Variants in COQ2 observed in about 807,000 individuals in gnomAD.
The protein encoded by COQ2 is 4-hydroxybenzoate polyprenyltransferase, mitochondrial.
COQ2 carries 25 observed loss-of-function variants against 35.7 expected under a neutral mutation model. That is an observed-to-expected ratio of 0.70 (90% CI 0.51 to 0.98). COQ2 has a LOEUF of 0.98. COQ2 is among the 50% of genes least tolerant of loss of function. The pLI is 0.00. For synonymous variants in COQ2, 206 were observed against 186.2 expected, an observed-to-expected ratio of 1.11 and a Z score of -0.86; for missense variants, 488 against 473.5, an observed-to-expected ratio of 1.03 and a Z score of -0.28.
chr4:83,275,241 A>G (rs1735139104), intron 2 of COQ2, among the ~76,000 whole-genome samples: 1 of 152,204 alleles, frequency 6.6e-6, no homozygotes, highest in South Asian at 2.1e-4. Flanking sequence ...AAATCTGGAC[A>G]TTTAAGTATT....
At position 83,267,219 on chromosome 4, in the gene COQ2, T is replaced by TA. The variant is rs766571537; in HGVS notation, c.951+366dup. 41 of 451,368 alleles carry TA rather than the reference T, an allele frequency of 9.1e-5. 2 individuals carry two copies. The highest frequency in any genetic ancestry group is 5.9e-4 in the South Asian group (38 of 63,920). The allele number at this position is 451,368 out of a possible 1,614,324, so 28.0% of individuals were successfully genotyped here. A position where few individuals can be genotyped will look rare whatever the true frequency, so the allele number is the denominator to read the frequency against. ...CTCAAGACCCCATTTCTACAAAAAA[T>TA]AAAAAAAATTAGCCAGGCATGGTGG... On this transcript the variant is annotated intron_variant, in intron 6 of 6. Coordinates refer to ENST00000647002, the MANE Select transcript of COQ2 (RefSeq NM_001358921.2).
intron 5 of COQ2, among the ~76,000 whole-genome samples, chr4:83,268,974 TTTTA>T (rs1332111541): frequency 2.0e-5 from 3 of 152,170 alleles, no homozygotes; most frequent in Non-Finnish European, 2.9e-5. Flanking sequence ...ATATGCATAA[TTTTA>T]TTTGTCAGTT....
chr4:83,273,639 C>T (rs539904082), intron 2 of COQ2, 22 bp from the exon 3 acceptor site: 12 of 1,608,396 alleles, frequency 7.5e-6, no homozygotes, highest in Middle Eastern at 1.7e-4. Flanking sequence ...AAAACAGATA[C>T]CTTAGCTTCA....
At chr4:83,270,416 T>C (rs549465544) in intron 4 of COQ2, among the ~76,000 whole-genome samples, 1 of 152,182 alleles carries the variant, frequency 6.6e-6, no homozygotes, top group Admixed American at 6.5e-5. Context: ...GAAACATGAA[T>C]ATACATACGA....
rs776055693 is a variant in COQ2, at chr4:83,284,759, C to T, written c.6G>A (p.Leu2=). The T allele has an allele frequency of 8.4e-6, 13 of 1,545,376 alleles. No homozygotes were observed. The South Asian group carries it at 1.4e-4, about 17-fold the overall frequency. M[L]GSRAAGFARG... Reference sequence around the variant, plus strand: ...GCGCGAACCCCGCGGCTCGCGAGCCCAGCATGGCGCTGGTGAGGCCGGGAC... The same window carrying T: ...GCGCGAACCCCGCGGCTCGCGAGCCTAGCATGGCGCTGGTGAGGCCGGGAC... The change falls in exon 1 of 7, where the codon CTG becomes CTA. Residue 2 remains leucine, a synonymous_variant. Transcript: ENST00000647002.
chr4:83,278,832 G>A, intron 2 of COQ2, 116 bp downstream of exon 2: 1 of 1,147,820 alleles, frequency 8.7e-7, no homozygotes, highest in Non-Finnish European at 1.2e-6. Context: ...TTCCATGCTG[G>A]ATTTCTGTGG....
intron 1 of COQ2, chr4:83,282,648 T>C: frequency 2.5e-6 from 1 of 398,084 alleles, no homozygotes; most frequent in African/African-American, 2.2e-5. Context: ...CAGCACATAT[T>C]ATGACAGGCA....
intron 2 of COQ2, among the ~76,000 whole-genome samples, chr4:83,276,028 T>TATAGAA (rs200148357): frequency 2.9e-4 from 6 of 20,662 alleles, no homozygotes; most frequent in Non-Finnish European, 5.3e-4. Context: ...ATATATATTT[T>TATAGAA]TATATAATAT....
intron 4 of COQ2, among the ~76,000 whole-genome samples, chr4:83,271,032 T>C (rs1449544562): frequency 6.6e-6 from 1 of 152,212 alleles, no homozygotes; most frequent in Non-Finnish European, 1.5e-5. Flanking sequence ...ATCAATTTCT[T>C]GAGTTGCTTT....
intron 6 of COQ2, among the ~76,000 whole-genome samples, 182 bp from the exon 7 acceptor site, chr4:83,264,545 G>A (rs1243584831): frequency 6.6e-6 from 1 of 152,146 alleles, no homozygotes; most frequent in East Asian, 1.9e-4. Flanking sequence ...GCTGAGGTGG[G>A]AGGATTGCTT....
At chr4:83,266,875 C>CA (rs1351762881) in intron 6 of COQ2, 1 of 247,108 alleles carries the variant, frequency 4.0e-6, no homozygotes, top group Non-Finnish European at 8.1e-6. Context: ...CAGCAGAAAC[C>CA]AAATTTATGA....
chr4:83,273,863 G>A (rs573307609), intron 2 of COQ2, among the ~76,000 whole-genome samples: 6 of 151,860 alleles, frequency 4.0e-5, no homozygotes, highest in African/African-American at 1.5e-4. Flanking sequence ...GAACTTCCTG[G>A]CTGGGTGCAG....
intron 1 of COQ2, among the ~76,000 whole-genome samples, chr4:83,279,327 G>A (rs1735258235): frequency 6.6e-6 from 1 of 151,478 alleles, no homozygotes; most frequent in African/African-American, 2.4e-5. Context: ...AATTAAAAAA[G>A]ACAAAACATA....
intron 3 of COQ2, among the ~76,000 whole-genome samples, chr4:83,272,505 A>T (rs1255238039): frequency 1.3e-5 from 2 of 152,198 alleles, no homozygotes; most frequent in East Asian, 3.8e-4. Context: ...ATAAAGTTTT[A>T]TTCTCTTCCT....
intron 2 of COQ2, among the ~76,000 whole-genome samples, chr4:83,274,984 C>T (rs1380606890): frequency 6.6e-6 from 1 of 152,150 alleles, no homozygotes; most frequent in Non-Finnish European, 1.5e-5. Flanking sequence ...TTATATCTTT[C>T]ACTTCTAAAA....
At chr4:83,283,720 G>A (rs1735382853) in intron 1 of COQ2, 2 of 985,364 alleles carry the variant, frequency 2.0e-6, no homozygotes, top group Middle Eastern at 5.2e-4. Context: ...CAACGTAGTA[G>A]GAACTTATTA....
At chr4:83,274,701 T>C (rs1238039316) in intron 2 of COQ2, among the ~76,000 whole-genome samples, 1 of 152,184 alleles carries the variant, frequency 6.6e-6, no homozygotes, top group Non-Finnish European at 1.5e-5. Flanking sequence ...CCTTCTTAAA[T>C]ATGTAGGTTT....
intron 1 of COQ2, chr4:83,283,119 A>T: frequency 4.2e-6 from 1 of 238,504 alleles, no homozygotes; most frequent in Non-Finnish European, 6.8e-6. Context: ...CCTATCATTC[A>T]GTAGGCTTTT....
At chr4:83,281,058 A>T (rs1422186585) in intron 1 of COQ2, among the ~76,000 whole-genome samples, 2 of 152,220 alleles carry the variant, frequency 1.3e-5, no homozygotes, top group Non-Finnish European at 2.9e-5. Flanking sequence ...TCCAGGCTCA[A>T]GCAATACTTC....
Sources: allele counts gnomAD v4.1 joint callset (sites outside exome capture counted in the v4.1 genomes callset), GRCh38; gene constraint gnomAD v4.1.1; transcripts MANE v1.5; gene names NCBI Gene and HGNC (gene_info 2026-07-23, HGNC 2026-07-21).